The following PPP2R2B variants were observed in gnomAD, a reference collection of about 807,000 sequenced individuals.
PPP2R2B encodes serine/threonine-protein phosphatase 2A 55 kDa regulatory subunit B beta isoform.
A neutral mutation model predicts 46.0 loss-of-function variants in PPP2R2B; 5 were observed. The ratio of observed to expected loss-of-function variants is 0.11; its 90% confidence interval spans 0.06 to 0.23. PPP2R2B has a LOEUF of 0.23. PPP2R2B is among the 10% of genes least tolerant of loss of function. The pLI is 1.00. For missense variants in PPP2R2B, 367 were observed against 575.0 expected (o/e 0.64, Z 3.70); for synonymous variants, 215 against 206.7 (o/e 1.04, Z -0.34).
chr5:146,657,489 C>T (rs956893049), intron 5 of PPP2R2B, among the ~76,000 whole-genome samples: 4 of 152,144 alleles, frequency 2.6e-5, no homozygotes, highest in Admixed American at 2.0e-4. Flanking sequence ...CTTTGAATAC[C>T]ATTGCTTGTT....
At chr5:146,602,310 A>C (rs1269117120) in intron 7 of PPP2R2B, among the ~76,000 whole-genome samples, 1 of 152,208 alleles carries the variant, frequency 6.6e-6, no homozygotes, top group Admixed American at 6.5e-5. Flanking sequence ...TTTCGTATTC[A>C]GAGTCTTACT....
intron 2 of PPP2R2B, among the ~76,000 whole-genome samples, chr5:146,844,605 C>G (rs2151375545): frequency 6.6e-6 from 1 of 152,292 alleles, no homozygotes; most frequent in South Asian, 2.1e-4. Flanking sequence ...CCATTCTGTG[C>G]AATTTAGTTT....
At chr5:147,030,445 TGAGA>T (rs1049437744) in intron 1 of PPP2R2B, among the ~76,000 whole-genome samples, 1 of 152,128 alleles carries the variant, frequency 6.6e-6, no homozygotes, top group Non-Finnish European at 1.5e-5. Context: ...TGAAGCTTGC[TGAGA>T]GATTTTTTTT....
chr5:146,902,584 G>A (rs1418820912), intron 1 of PPP2R2B, among the ~76,000 whole-genome samples: 1 of 152,102 alleles, frequency 6.6e-6, no homozygotes, highest in African/African-American at 2.4e-5. Flanking sequence ...ACACGGCCTC[G>A]TTAAAGTGCT....
intron 1 of PPP2R2B, among the ~76,000 whole-genome samples, chr5:146,945,609 T>G (rs1032730155): frequency 3.9e-5 from 6 of 152,178 alleles, no homozygotes; most frequent in African/African-American, 4.8e-5. Flanking sequence ...TTTTAAGGGC[T>G]GTGTGCCCAG....
chr5:146,965,487 T>C (rs1037477086), intron 1 of PPP2R2B, among the ~76,000 whole-genome samples: 2 of 152,246 alleles, frequency 1.3e-5, no homozygotes, highest in Admixed American at 1.3e-4. Flanking sequence ...CTTGTTTTTT[T>C]AATCCGTGAA....
chr5:147,009,024 A>G (rs1754585848), intron 1 of PPP2R2B, among the ~76,000 whole-genome samples: 1 of 152,164 alleles, frequency 6.6e-6, no homozygotes, highest in Non-Finnish European at 1.5e-5. Context: ...AAATATTATA[A>G]AAATGATCAC....
chr5:146,877,913 C>T, intron 2 of PPP2R2B, 89 bp downstream of exon 2: 1 of 1,464,938 alleles, frequency 6.8e-7, no homozygotes, highest in South Asian at 1.3e-5. Flanking sequence ...GAGGAGTCTC[C>T]GCCACTACGC....
intron 2 of PPP2R2B, among the ~76,000 whole-genome samples, chr5:146,743,049 A>G (rs1024156408): frequency 1.3e-5 from 2 of 152,202 alleles, no homozygotes; most frequent in Non-Finnish European, 2.9e-5. Context: ...ACTGTGAGAC[A>G]GTACAGTTCT....
intron 2 of PPP2R2B, 41 bp from the exon 3 acceptor site, chr5:146,701,183 C>G: frequency 6.9e-7 from 1 of 1,454,830 alleles, no homozygotes; most frequent in Non-Finnish European, 9.7e-7. Flanking sequence ...TAACTGCACA[C>G]TTACTTTGAA....
At chr5:146,745,160 CAG>C (rs747573157) in intron 2 of PPP2R2B, among the ~76,000 whole-genome samples, 12,354 of 94,870 alleles carry the variant, frequency 0.13, 476 homozygotes, top group Middle Eastern at 0.15. Flanking sequence ...CAGAGAAAGA[CAG>C]AGAGAGAGAG....
In PPP2R2B at chr5:146,588,016, C is replaced by A. The variant is rs1303357370; in HGVS notation, c.*1931G>T. On this transcript the variant is annotated 3_prime_UTR_variant, in exon 10 of 10. Transcript: ENST00000394411. ...AGGCCAATAACCCAGTGGCCTTCTG[C>A]AAAATCATCACTCTCTATGACTGGC... 1 of 152,150 alleles carries A rather than the reference C, an allele frequency of 6.6e-6. No individual in the cohort carries two copies. The highest frequency in any genetic ancestry group is 1.5e-5 in the Non-Finnish European group (1 of 68,030). 9.4% of individuals were successfully genotyped at this position (152,150 alleles called of 1,614,324 possible).
chr5:146,967,886 C>A (rs1329349411), intron 1 of PPP2R2B, among the ~76,000 whole-genome samples: 2 of 152,164 alleles, frequency 1.3e-5, no homozygotes, highest in Non-Finnish European at 2.9e-5. Context: ...GAAATATCCT[C>A]ACTGCAGCAA....
chr5:146,899,100 T>C (rs1435943992), intron 1 of PPP2R2B, among the ~76,000 whole-genome samples: 2 of 151,354 alleles, frequency 1.3e-5, no homozygotes, highest in Admixed American at 6.6e-5. Flanking sequence ...GAAATACCAT[T>C]TGACCCAGCC....
chr5:146,780,424 C>A (rs77783934), intron 2 of PPP2R2B, among the ~76,000 whole-genome samples: 1 of 152,074 alleles, frequency 6.6e-6, no homozygotes, highest in African/African-American at 2.4e-5. Flanking sequence ...CCAGGCCCTG[C>A]GGTACGAGGA....
At chr5:146,991,504 A>G (rs1250930027) in intron 1 of PPP2R2B, among the ~76,000 whole-genome samples, 2 of 152,178 alleles carry the variant, frequency 1.3e-5, no homozygotes, top group Non-Finnish European at 2.9e-5. Flanking sequence ...TTCTGGTCAT[A>G]TATTACATAG....
intron 7 of PPP2R2B, among the ~76,000 whole-genome samples, chr5:146,619,360 A>G (rs1009099598): frequency 6.6e-5 from 10 of 151,960 alleles, no homozygotes; most frequent in Non-Finnish European, 1.5e-4. Context: ...TGTGCCTGTA[A>G]TCCCAGCTCC....
At chr5:146,642,207 C>T (rs941637111) in intron 6 of PPP2R2B, among the ~76,000 whole-genome samples, 2 of 152,200 alleles carry the variant, frequency 1.3e-5, no homozygotes, top group Non-Finnish European at 1.5e-5. Context: ...GAGGGCACCG[C>T]TGTGCCAGGC....
At chr5:147,071,782 A>G (rs906205739) in intron 2 of PPP2R2B, among the ~76,000 whole-genome samples, 7 of 152,050 alleles carry the variant, frequency 4.6e-5, no homozygotes, top group Admixed American at 4.6e-4. Context: ...TTTATATTCC[A>G]CTTGTTTATT....
Sources: allele counts gnomAD v4.1 joint callset (sites outside exome capture counted in the v4.1 genomes callset), GRCh38; gene constraint gnomAD v4.1.1; transcripts MANE v1.5; gene names NCBI Gene and HGNC (gene_info 2026-07-23, HGNC 2026-07-21).